RCBTB2: variants seen among roughly 807,000 people sequenced by gnomAD.
The protein encoded by RCBTB2 is RCC1 and BTB domain containing protein 2.
In RCBTB2, 55 loss-of-function variants were observed where a neutral mutation model predicts 65.4. The observed-to-expected ratio is 0.84, with a 90% CI of 0.68 to 1.05. The LOEUF (loss-of-function observed/expected upper bound fraction) is 1.05. Ranked by LOEUF, RCBTB2 falls within the 50% of genes least tolerant of loss-of-function variation. The pLI, the probability that RCBTB2 is intolerant of heterozygous loss-of-function variation, is 0.00. For synonymous variants in RCBTB2, 220 were observed against 255.2 expected, an observed-to-expected ratio of 0.86 and a Z score of 1.31; for missense variants, 599 against 680.1, an observed-to-expected ratio of 0.88 and a Z score of 1.33.
At chr13:48,504,358 A>T in intron 10 of RCBTB2, 6 of 985,250 alleles carry the variant, frequency 6.1e-6, no homozygotes, top group Non-Finnish European at 7.2e-6. Flanking sequence ...ACCTCTGTAC[A>T]GACATCTCAC....
upstream of RCBTB2, among the ~76,000 whole-genome samples, chr13:48,534,026 A>T (rs1381911406): frequency 1.3e-5 from 2 of 152,240 alleles, no homozygotes; most frequent in African/African-American, 2.4e-5. Flanking sequence ...TCGGAAAAAC[A>T]TCATTCTAAA....
At chr13:48,490,479 G>A (rs886289829) in intron 14 of RCBTB2, among the ~76,000 whole-genome samples, 5 of 152,230 alleles carry the variant, frequency 3.3e-5, no homozygotes, top group African/African-American at 9.6e-5. Flanking sequence ...AAGTTCCTCC[G>A]CACTAACCTA....
At chr13:48,503,930 T>C (rs1189000583) in intron 10 of RCBTB2, among the ~76,000 whole-genome samples, 1 of 152,170 alleles carries the variant, frequency 6.6e-6, no homozygotes, top group Non-Finnish European at 1.5e-5. Flanking sequence ...ACCATACAGA[T>C]TGAAGGAAAA....
intron 1 of RCBTB2, among the ~76,000 whole-genome samples, chr13:48,525,143 AC>A (rs1045515033): frequency 2.0e-5 from 3 of 151,806 alleles, no homozygotes; most frequent in African/African-American, 7.2e-5. Context: ...TATATTTATG[AC>A]CTCAGAGCAG....
intron 13 of RCBTB2, among the ~76,000 whole-genome samples, chr13:48,499,171 C>T (rs1593618079): frequency 1.3e-5 from 2 of 151,480 alleles, no homozygotes; most frequent in South Asian, 2.1e-4. Flanking sequence ...CTCTCTCTCA[C>T]ACACACACAC....
At position 48,505,903 on chromosome 13, in the gene RCBTB2, T is replaced by G. The variant is rs538142166; in HGVS notation, c.927-2989A>C. Among the ~76,000 whole-genome samples the G allele has an allele frequency of 2.6e-4, 39 of 152,344 alleles. No individual in the cohort carries two copies. In the South Asian group the frequency reaches 6.4e-3, roughly 25 times the overall value. Reference sequence around the variant, plus strand: ...GTGACTAAAAGTGTTTACCAGCTGCTGCAGAACTGTGGGCCCGTGATTTAG... The same window carrying G: ...GTGACTAAAAGTGTTTACCAGCTGCGGCAGAACTGTGGGCCCGTGATTTAG... On this transcript the variant is annotated intron_variant, in intron 10 of 14. Transcript: ENST00000344532.
intron 9 of RCBTB2, 110 bp downstream of exon 9, chr13:48,511,660 C>T (rs957553285): frequency 9.0e-6 from 8 of 887,418 alleles, no homozygotes; most frequent in African/African-American, 3.4e-5. Context: ...ATGAAGACAT[C>T]CAAGCAGCTA....
intron 1 of RCBTB2, 101 bp downstream of exon 1, chr13:48,532,927 A>C (rs1040152852): frequency 2.2e-6 from 1 of 449,720 alleles, no homozygotes; most frequent in Non-Finnish European, 4.5e-6. Context: ...GTCGGGCCGC[A>C]GGGGCGGGGA....
rs1483026433 is a variant in RCBTB2, at chr13:48,493,307, A to ACTCTCTCTCTCTCT, written c.1515+2883_1515+2884insAGAGAGAGAGAGAG. Among the ~76,000 whole-genome samples, 210 of 63,078 alleles carry ACTCTCTCTCTCTCT rather than the reference A, an allele frequency of 3.3e-3. 1 individual carries two copies. Among genetic ancestry groups the ACTCTCTCTCTCTCT allele is most frequent in the Non-Finnish European group, 5.7e-3 (174 of 30,766 alleles). The allele number at this position is 63,078 out of a possible 152,430, so 41.4% of individuals were successfully genotyped here. ...TCTCTCTCCACACACACACACACAC[A>ACTCTCTCTCTCTCT]CACACACACTCTCTCTCTCTCTCTC... is the stretch of plus-strand genomic sequence containing the variant. On this transcript the variant is annotated intron_variant, in intron 14 of 14. Transcript: ENST00000344532.
At chr13:48,492,007 T>C (rs879922014) in intron 14 of RCBTB2, among the ~76,000 whole-genome samples, 6 of 152,184 alleles carry the variant, frequency 3.9e-5, no homozygotes, top group African/African-American at 1.2e-4. Context: ...TGGCTTCATG[T>C]TCAAAATGGG....
At chr13:48,500,393 A>G (rs946061093) in intron 12 of RCBTB2, among the ~76,000 whole-genome samples, 1 of 152,124 alleles carries the variant, frequency 6.6e-6, no homozygotes, top group African/African-American at 2.4e-5. Context: ...CCCCATCTCT[A>G]CTAAAAATAC....
chr13:48,526,403 G>A (rs1320916120), intron 1 of RCBTB2, among the ~76,000 whole-genome samples: 2 of 152,114 alleles, frequency 1.3e-5, no homozygotes, highest in Admixed American at 6.6e-5. Context: ...ACACGTGGTA[G>A]TACACGCCTG....
intron 10 of RCBTB2, among the ~76,000 whole-genome samples, chr13:48,506,617 G>A (rs1264275474): frequency 6.6e-6 from 1 of 152,212 alleles, no homozygotes; most frequent in Non-Finnish European, 1.5e-5. Context: ...TGGTCAGGTG[G>A]CAGGTGTGGG....
At chr13:48,526,840 T>G (rs572498235) in intron 1 of RCBTB2, among the ~76,000 whole-genome samples, 1 of 151,788 alleles carries the variant, frequency 6.6e-6, no homozygotes, top group African/African-American at 2.4e-5. Context: ...CACTTGAACT[T>G]GGGAGGCAGA....
intron 14 of RCBTB2, chr13:48,492,391 T>C (rs182176115): frequency 6.6e-5 from 10 of 152,380 alleles, no homozygotes; most frequent in African/African-American, 2.4e-4. Context: ...ATTTGCATCA[T>C]TAGACAAGCT....
Position 48,515,566 on chromosome 13 carries a change from T to C in RCBTB2, c.198+20A>G. The C allele has an allele frequency of 1.3e-6, 2 of 1,577,552 alleles. No homozygotes were observed. The highest frequency in any genetic ancestry group is 4.5e-5 in the East Asian group (2 of 44,420). ...CATTTCTAAAAATGTGAGTAGCTGA[T>C]TTATTTTCTTCAAAATTACCTCATC... On this transcript the variant is annotated intron_variant, in intron 5 of 14. Transcript: ENST00000344532.
At chr13:48,527,837 G>T (rs911552095) in intron 1 of RCBTB2, among the ~76,000 whole-genome samples, 2 of 152,028 alleles carry the variant, frequency 1.3e-5, no homozygotes, top group African/African-American at 4.8e-5. Context: ...ACTGAACAAG[G>T]GGACACTCTT....
rs558867557 is a variant in RCBTB2, at chr13:48,522,407, G to GAA, written c.-119-6_-119-5dup. ...GAAGAATATATGATTTGCTAAGCTG[G>GAA]AAAAAAAAAAGGAGAAATGAATGAA... is the stretch of plus-strand genomic sequence containing the variant. On this transcript the variant is annotated splice_polypyrimidine_tract_variant and splice_region_variant and intron_variant, in intron 2 of 14. Coordinates refer to ENST00000344532, the MANE Select transcript of RCBTB2 (RefSeq NM_001268.4). 47 of 995,898 alleles carry GAA rather than the reference G, an allele frequency of 4.7e-5. No homozygotes were observed. The highest frequency in any genetic ancestry group is 7.6e-5 in the South Asian group (4 of 52,884). The allele number at this position is 995,898 out of a possible 1,614,324, so 61.7% of individuals were successfully genotyped here.
At chr13:48,507,402 A>G (rs9332018) in intron 10 of RCBTB2, among the ~76,000 whole-genome samples, 3,117 of 152,330 alleles carry the variant, frequency 0.02, 115 homozygotes, top group African/African-American at 0.072. Flanking sequence ...GACAATGACT[A>G]TCAACTGAGC....
Sources: gnomAD v4.1 joint callset for allele counts (sites outside exome capture counted in the v4.1 genomes callset) on GRCh38, gnomAD v4.1.1 for gene constraint, MANE v1.5 for transcripts, NCBI Gene and HGNC (gene_info 2026-07-23, HGNC 2026-07-21) for gene names.